KCNN2: variants seen among roughly 807,000 people sequenced by gnomAD.
The protein encoded by KCNN2 is small conductance calcium-activated potassium channel protein 2.
In KCNN2, 24 loss-of-function variants were observed where a neutral mutation model predicts 55.5. The observed-to-expected ratio is 0.43, with a 90% CI of 0.31 to 0.61. The LOEUF (loss-of-function observed/expected upper bound fraction) is 0.61. Ranked by LOEUF, KCNN2 falls within the 20% of genes least tolerant of loss-of-function variation. KCNN2 has a pLI of 0.08. For synonymous variants in KCNN2, 431 were observed against 336.1 expected (o/e 1.28, Z -3.09); for missense variants, 754 against 853.6 (o/e 0.88, Z 1.45).
chr5:114,210,458 A>G (rs1753860434), intron 1 of KCNN2, among the ~76,000 whole-genome samples: 3 of 152,154 alleles, frequency 2.0e-5, no homozygotes, highest in Non-Finnish European at 4.4e-5. Flanking sequence ...AGTTTATGAA[A>G]TATAGCTGCT....
rs1580748354 is a variant in KCNN2, at chr5:114,362,294, A to C, written c.155A>C (p.His52Pro). The C allele has an allele frequency of 5.5e-6, 1 of 181,890 alleles. No individual in the cohort carries two copies. The highest frequency in any genetic ancestry group is 1.1e-5 in the Non-Finnish European group (1 of 88,592). The allele number at this position is 181,890 out of a possible 1,614,324, so 11.3% of individuals were successfully genotyped here. A position where few individuals can be genotyped will look rare whatever the true frequency, so the allele number is the denominator to read the frequency against. Residue 52 changes from histidine (H) to proline (P), a missense_variant, in exon 1 of 8, where the codon CAC (histidine) becomes CCC (proline). Coordinates refer to ENST00000673685, the MANE Select transcript of KCNN2 (RefSeq NM_021614.4). ...CTCCCGCACCCTCACCACCACCCGC[A>C]CCTCGCGCACCAGCAGCCGGCCAGC... The part of the protein sequence containing the change: ...APLPHPHHHP[H>P]LAHQQPASGG...
intron 3 of KCNN2, among the ~76,000 whole-genome samples, chr5:114,409,162 T>G (rs186861822): frequency 1.3e-5 from 2 of 152,294 alleles, no homozygotes; most frequent in Admixed American, 1.3e-4. Context: ...ACTAAATGGC[T>G]TGTTAAGACT....
At chr5:114,349,060 A>G (rs1430549410) in intron 2 of KCNN2, among the ~76,000 whole-genome samples, 1 of 152,016 alleles carries the variant, frequency 6.6e-6, no homozygotes, top group Non-Finnish European at 1.5e-5. Context: ...CACTTACTCT[A>G]ATTTGCTGCT....
At chr5:114,295,117 A>C (rs1426337197) in intron 2 of KCNN2, among the ~76,000 whole-genome samples, 7 of 152,050 alleles carry the variant, frequency 4.6e-5, no homozygotes, top group Non-Finnish European at 1.5e-5. Context: ...GCCCCTACTG[A>C]GGGGTGCCTC....
chr5:114,449,908 A>ACACACACACACACGCGCGCG lies in KCNN2; in HGVS notation c.1638-13140_1638-13139insACACACACACACGCGCGCGC, dbSNP rs1309590184. On this transcript the variant is annotated intron_variant, in intron 3 of 7. Transcript: ENST00000673685. The stretch of plus-strand genomic sequence containing the variant: ...CACACACACACACACACACACACAC[A>ACACACACACACACGCGCGCG]CGCGCGCGCTCGCGTGCGCGCACTC... 2.3e-4 allele frequency among the ~76,000 whole-genome samples: 15 copies of ACACACACACACACGCGCGCG among 66,176 alleles called. No individual in the cohort carries two copies. In the East Asian group the frequency reaches 9.4e-3, roughly 42 times the overall value. The allele number at this position is 66,176 out of a possible 152,430, so 43.4% of individuals were successfully genotyped here.
At chr5:114,189,544 C>A (rs1753407864) in intron 1 of KCNN2, among the ~76,000 whole-genome samples, 1 of 152,142 alleles carries the variant, frequency 6.6e-6, no homozygotes, top group Admixed American at 6.5e-5. Context: ...TGCCTGGGCA[C>A]CCTGTTGTCC....
At chr5:114,150,810 T>C (rs1179993262) in intron 1 of KCNN2, among the ~76,000 whole-genome samples, 2 of 152,168 alleles carry the variant, frequency 1.3e-5, no homozygotes, top group Non-Finnish European at 2.9e-5. Flanking sequence ...TCACCTCGGG[T>C]TGGGAGTTCA....
chr5:114,179,874 G>T (rs1019889872), intron 1 of KCNN2, among the ~76,000 whole-genome samples: 1 of 152,100 alleles, frequency 6.6e-6, no homozygotes, highest in Non-Finnish European at 1.5e-5. Context: ...AGAAAGTATG[G>T]ATATTATCTT....
chr5:114,224,178 G>T (rs1481611605), intron 2 of KCNN2, among the ~76,000 whole-genome samples: 2 of 152,018 alleles, frequency 1.3e-5, no homozygotes, highest in African/African-American at 2.4e-5. Flanking sequence ...CAGCCCAAAA[G>T]GTAAAATAAG....
intron 1 of KCNN2, among the ~76,000 whole-genome samples, chr5:114,213,106 G>T (rs1580624741): frequency 1.3e-5 from 2 of 151,876 alleles, no homozygotes; most frequent in East Asian, 3.9e-4. Context: ...CAAAGTTTTG[G>T]TCCTCTAGCT....
chr5:114,257,944 C>T (rs551091224), intron 2 of KCNN2, among the ~76,000 whole-genome samples: 2 of 152,176 alleles, frequency 1.3e-5, no homozygotes, highest in Admixed American at 6.5e-5. Context: ...ATGCTTCCAG[C>T]TTTTCTCCAT....
chr5:114,243,662 T>C (rs1367629158), intron 2 of KCNN2, among the ~76,000 whole-genome samples: 1 of 152,216 alleles, frequency 6.6e-6, no homozygotes, highest in Non-Finnish European at 1.5e-5. Flanking sequence ...CAGTGATTGT[T>C]GTTAATGTCT....
chr5:114,269,303 A>C (rs1183026539), intron 2 of KCNN2, among the ~76,000 whole-genome samples: 3 of 152,196 alleles, frequency 2.0e-5, no homozygotes. Flanking sequence ...CCCTAAAGGC[A>C]CTTGGCTTGA....
intron 4 of KCNN2, among the ~76,000 whole-genome samples, chr5:114,469,255 G>A (rs1261057215): frequency 6.6e-6 from 1 of 152,046 alleles, no homozygotes; most frequent in African/African-American, 2.4e-5. Flanking sequence ...TTCTCCCTCT[G>A]CCCCCCTTAA....
At chr5:114,056,823 T>G (rs1201588627) in intron 1 of KCNN2, among the ~76,000 whole-genome samples, 1 of 152,136 alleles carries the variant, frequency 6.6e-6, no homozygotes, top group African/African-American at 2.4e-5. Context: ...TATCCAATCT[T>G]TTATTTATTT....
At position 114,362,493 on chromosome 5, in the gene KCNN2, G is replaced by A; in HGVS notation, c.354G>A (p.Ser118=). Residue 118 remains serine (S), a synonymous_variant, in exon 1 of 8, where the codon TCG becomes TCA. Coordinates refer to ENST00000673685, the MANE Select transcript of KCNN2 (RefSeq NM_021614.4). ...CGTCCTGCTGCTGCTGCTGCTGCTC[G>A]TCGCGCCGGGGCAGCCAGCTCAATG... ...SGSSCCCCCC[S]SRRGSQLNVS... 2 of 456,400 alleles carry A rather than the reference G, an allele frequency of 4.4e-6. No individual in the cohort carries two copies. The highest frequency in any genetic ancestry group is 4.2e-5 in the South Asian group (1 of 23,538). 28.3% of individuals were successfully genotyped at this position (456,400 alleles called of 1,614,324 possible).
At chr5:114,383,840 G>A (rs1021052731) in intron 2 of KCNN2, among the ~76,000 whole-genome samples, 30 of 152,192 alleles carry the variant, frequency 2.0e-4, no homozygotes, top group Admixed American at 4.6e-4. Flanking sequence ...AAATTGTGAT[G>A]CAGTATAAGA....
intron 1 of KCNN2, among the ~76,000 whole-genome samples, chr5:114,148,316 T>A (rs4705625): frequency 6.6e-6 from 1 of 152,098 alleles, no homozygotes; most frequent in Non-Finnish European, 1.5e-5. Context: ...TTAAGTCTGT[T>A]ACCATCCTCC....
chr5:114,145,632 A>G (rs1752382908), intron 1 of KCNN2, among the ~76,000 whole-genome samples: 3 of 152,162 alleles, frequency 2.0e-5, no homozygotes, highest in African/African-American at 4.8e-5. Context: ...CGTCTTCTGA[A>G]GGTTGGGCAG....
Sources: allele counts gnomAD v4.1 joint callset (sites outside exome capture counted in the v4.1 genomes callset), GRCh38; gene constraint gnomAD v4.1.1; transcripts MANE v1.5; gene names NCBI Gene and HGNC (gene_info 2026-07-23, HGNC 2026-07-21).